Variants in PCNX1 observed in about 807,000 individuals in gnomAD.
PCNX1 encodes the protein pecanex-like protein 1.
A neutral mutation model predicts 242.2 loss-of-function variants in PCNX1; 78 were observed. The ratio of observed to expected loss-of-function variants is 0.32; its 90% CI spans 0.27 to 0.39. The LOEUF (loss-of-function observed/expected upper bound fraction) is 0.39. PCNX1 is among the 10% of genes least tolerant of loss of function. The pLI, the probability that PCNX1 is intolerant of heterozygous loss-of-function variation, is 1.00. For missense variants in PCNX1, 2,581 were observed against 2,856.5 expected (o/e 0.90, Z 2.20); for synonymous variants, 1,024 against 1,032.9 (o/e 0.99, Z 0.17).
intron 19 of PCNX1, among the ~76,000 whole-genome samples, chr14:71,039,866 G>A (rs1346285436): frequency 6.6e-6 from 1 of 152,178 alleles, no homozygotes; most frequent in Non-Finnish European, 1.5e-5. Flanking sequence ...CAAGGACTAT[G>A]TCTTTCATCT....
intron 8 of PCNX1, among the ~76,000 whole-genome samples, chr14:70,998,704 T>C (rs2059420739): frequency 1.4e-5 from 2 of 144,848 alleles, no homozygotes; most frequent in African/African-American, 2.6e-5. Flanking sequence ...TGAACCAAGA[T>C]TGCGCCGCTG....
At chr14:70,921,591 A>G (rs997096769) in intron 1 of PCNX1, among the ~76,000 whole-genome samples, 2 of 152,156 alleles carry the variant, frequency 1.3e-5, no homozygotes, top group Admixed American at 1.3e-4. Flanking sequence ...ATGTCACAGT[A>G]TTGAATATTG....
intron 8 of PCNX1, among the ~76,000 whole-genome samples, chr14:71,001,651 C>G (rs1383308076): frequency 6.6e-6 from 1 of 152,210 alleles, no homozygotes; most frequent in Non-Finnish European, 1.5e-5. Context: ...ACTAGATTAT[C>G]TGCTTTCTAA....
intron 16 of PCNX1, among the ~76,000 whole-genome samples, chr14:71,031,360 G>T (rs2140922888): frequency 6.6e-6 from 1 of 152,330 alleles, no homozygotes; most frequent in East Asian, 1.9e-4. Context: ...GCAGGTACAA[G>T]GCTGAGTGGG....
At chr14:71,056,954 A>G (rs768067097) in intron 25 of PCNX1, among the ~76,000 whole-genome samples, 6 of 152,116 alleles carry the variant, frequency 3.9e-5, no homozygotes, top group Non-Finnish European at 8.8e-5. Context: ...GATTCCAGGC[A>G]TGAGCCACCA....
At chr14:71,035,024 A>G (rs896639255) in intron 18 of PCNX1, among the ~76,000 whole-genome samples, 10 of 152,194 alleles carry the variant, frequency 6.6e-5, no homozygotes, top group East Asian at 1.9e-4. Context: ...CAATGAAGAT[A>G]TAAGTTATCC....
intron 15 of PCNX1, among the ~76,000 whole-genome samples, chr14:71,027,763 T>C (rs1177057442): frequency 1.3e-5 from 2 of 151,926 alleles, no homozygotes; most frequent in African/African-American, 4.8e-5. Context: ...TTTTTAATGT[T>C]TTGAAAATTT....
intron 30 of PCNX1, among the ~76,000 whole-genome samples, chr14:71,094,757 A>G (rs7145285): frequency 0.56 from 84,737 of 151,930 alleles, 25,043 homozygotes; most frequent in East Asian, 0.74. Context: ...GTAGGACTGC[A>G]TCTCTGCGAA....
At chr14:71,006,706 G>A (rs916843321) in intron 8 of PCNX1, among the ~76,000 whole-genome samples, 8 of 152,110 alleles carry the variant, frequency 5.3e-5, no homozygotes, top group African/African-American at 1.2e-4. Context: ...TTGTACAAAC[G>A]TAATCTTCAT....
chr14:71,066,707 C>T (rs1456032680), intron 26 of PCNX1, among the ~76,000 whole-genome samples: 2 of 152,046 alleles, frequency 1.3e-5, no homozygotes, highest in African/African-American at 4.8e-5. Flanking sequence ...GGGAATGCTT[C>T]CAGTTTTTGC....
At chr14:70,962,417 G>T in intron 3 of PCNX1, 86 bp downstream of exon 3, 2 of 707,650 alleles carry the variant, frequency 2.8e-6, no homozygotes, top group African/African-American at 1.8e-5. Flanking sequence ...GTCGGCTGAT[G>T]TTTTGTCATA....
chr14:71,100,027 C>CT (rs1409954877), intron 30 of PCNX1, among the ~76,000 whole-genome samples: 1 of 151,706 alleles, frequency 6.6e-6, no homozygotes, highest in Admixed American at 6.6e-5. Flanking sequence ...TACCTTGCAA[C>CT]TCTGTGTCTT....
intron 16 of PCNX1, chr14:71,031,926 C>T (rs2060397464): frequency 1.0e-5 from 15 of 1,430,250 alleles, no homozygotes; most frequent in Non-Finnish European, 1.4e-5. Context: ...ACTGGTACCA[C>T]AGGCGGAACT....
At chr14:71,021,542 C>T (rs972731685) in intron 12 of PCNX1, among the ~76,000 whole-genome samples, 3 of 152,094 alleles carry the variant, frequency 2.0e-5, no homozygotes, top group Admixed American at 2.0e-4. Context: ...TTTCTCTTCT[C>T]CATTTATAGC....
At chr14:70,988,034 A>G (rs771705437) in intron 6 of PCNX1, among the ~76,000 whole-genome samples, 19 of 152,226 alleles carry the variant, frequency 1.2e-4, no homozygotes, top group Non-Finnish European at 2.2e-4. Flanking sequence ...CTTCACAACC[A>G]GAGGTTTCAT....
At chr14:71,075,168 A>AT (rs2061685202) in intron 27 of PCNX1, among the ~76,000 whole-genome samples, 3 of 150,668 alleles carry the variant, frequency 2.0e-5, no homozygotes, top group South Asian at 2.1e-4. Flanking sequence ...CTAATTTTTT[A>AT]TTTTTTTGTA....
chr14:70,940,196 C>T (rs1292589798), intron 1 of PCNX1, among the ~76,000 whole-genome samples: 15 of 152,064 alleles, frequency 9.9e-5, no homozygotes, highest in Admixed American at 8.5e-4. Flanking sequence ...TTATTTTGCC[C>T]GTTAGTTGAT....
chr14:71,034,031 T>G lies in PCNX1; in HGVS notation c.3769T>G (p.Ser1257Ala). Residue 1257 changes from serine to alanine, a missense_variant, in exon 18 of 36, where the codon TCT becomes GCT. Ser to Ala is a moderately conservative substitution (Grantham distance 99, BLOSUM62 1). Around this residue, in one of 9 missense-constraint regions of PCNX1, gnomAD observed 432 missense variants for 443.1 expected, o/e 0.97. Coordinates refer to ENST00000304743, the MANE Select transcript of PCNX1 (RefSeq NM_014982.3). ...KDPLPEKLRN[S>A]VSERLQSDLV... ...TCCACTGCCTGAAAAACTTAGAAAT[T>G]CTGTTGTAAGTTTTAACATTTAGAA... 6.5e-7 allele frequency: 1 copy of G among 1,549,542 alleles called. No homozygotes were observed. The highest frequency in any genetic ancestry group is 8.9e-7 in the Non-Finnish European group (1 of 1,124,776).
chr14:70,915,995 T>C (rs1287061983), intron 1 of PCNX1, among the ~76,000 whole-genome samples: 1 of 152,120 alleles, frequency 6.6e-6, no homozygotes, highest in South Asian at 2.1e-4. Flanking sequence ...AAACAGTTCA[T>C]GGGAAAAGTT....
Sources: gnomAD v4.1 joint callset for allele counts (sites outside exome capture counted in the v4.1 genomes callset) on GRCh38, gnomAD v4.1.1 for gene constraint, gnomAD v4.1.1 regional missense constraint, MANE v1.5 for transcripts, NCBI Gene and HGNC (gene_info 2026-07-23, HGNC 2026-07-21) for gene names.